The following DAP variants were observed in gnomAD, a reference collection of about 807,000 sequenced individuals.
The protein encoded by DAP is death associated protein, also known as death-associated protein 1.
A neutral mutation model predicts 13.8 loss-of-function variants in DAP; 8 were observed. The ratio of observed to expected loss-of-function variants is 0.58; its 90% CI spans 0.34 to 1.05. The LOEUF is 1.05. Among genes scored for constraint, DAP ranks in the 50% least tolerant of loss-of-function variants. The pLI, the probability that DAP is intolerant of heterozygous loss-of-function variation, is 0.03. For synonymous variants in DAP, 47 were observed against 47.5 expected (o/e 0.99, Z 0.04); for missense variants, 106 against 133.2 (o/e 0.80, Z 1.01).
chr5:10,711,971 G>A (rs567165251), intron 2 of DAP, among the ~76,000 whole-genome samples: 2 of 152,204 alleles, frequency 1.3e-5, no homozygotes, highest in Admixed American at 6.5e-5. Context: ...TTTCACCCCC[G>A]TCCTTCCCAG....
chr5:10,738,652 G>A (rs1198323644), intron 2 of DAP, among the ~76,000 whole-genome samples: 6 of 152,346 alleles, frequency 3.9e-5, no homozygotes, highest in South Asian at 2.1e-4. Flanking sequence ...GATTAAAGGC[G>A]ACTAAAGATA....
chr5:10,686,058 T>C (rs1278675907), intron 2 of DAP, among the ~76,000 whole-genome samples: 5 of 152,204 alleles, frequency 3.3e-5, no homozygotes, highest in African/African-American at 1.2e-4. Context: ...CCATCTTCAT[T>C]ATTATTATGT....
chr5:10,730,228 A>C (rs755047876), intron 2 of DAP, among the ~76,000 whole-genome samples: 1 of 152,242 alleles, frequency 6.6e-6, no homozygotes, highest in Non-Finnish European at 1.5e-5. Context: ...CACTGTGTAG[A>C]GTACCTGGCA....
At chr5:10,701,006 T>G (rs1419052841) in intron 2 of DAP, among the ~76,000 whole-genome samples, 2 of 152,252 alleles carry the variant, frequency 1.3e-5, no homozygotes, top group African/African-American at 2.4e-5. Flanking sequence ...GTGTCTGTGC[T>G]GTTCCATGCA....
At chr5:10,734,701 T>G (rs1256269814) in intron 2 of DAP, among the ~76,000 whole-genome samples, 1 of 152,194 alleles carries the variant, frequency 6.6e-6, no homozygotes, top group Non-Finnish European at 1.5e-5. Context: ...TATCCACAGG[T>G]GTTGGGAGAA....
chr5:10,733,632 G>C (rs1347809838), intron 2 of DAP: 1 of 152,126 alleles, frequency 6.6e-6, no homozygotes, highest in Non-Finnish European at 1.5e-5. Context: ...CCTGCCTTAG[G>C]GGATATGCAC....
At chr5:10,751,589 C>T (rs1422889183) in intron 1 of DAP, among the ~76,000 whole-genome samples, 1 of 152,120 alleles carries the variant, frequency 6.6e-6, no homozygotes, top group Non-Finnish European at 1.5e-5. Flanking sequence ...TGAATAGTGT[C>T]CCCCCAAAAT....
chr5:10,688,811 C>A (rs897396781), intron 2 of DAP, among the ~76,000 whole-genome samples: 2 of 152,162 alleles, frequency 1.3e-5, no homozygotes, highest in Non-Finnish European at 2.9e-5. Flanking sequence ...GACGCAGAGG[C>A]GCCATCCAGC....
intron 1 of DAP, among the ~76,000 whole-genome samples, chr5:10,752,874 A>G (rs151330247): frequency 6.6e-6 from 1 of 152,314 alleles, no homozygotes; most frequent in African/African-American, 2.4e-5. Context: ...GATGTGCTCA[A>G]CTGTTAGCTA....
intron 2 of DAP, among the ~76,000 whole-genome samples, chr5:10,740,869 G>T (rs1167544134): frequency 2.6e-5 from 4 of 152,218 alleles, no homozygotes; most frequent in Non-Finnish European, 4.4e-5. Flanking sequence ...TGTGCATAAT[G>T]AATCTTTAAA....
chr5:10,692,251 G>T (rs1412372861), intron 2 of DAP, among the ~76,000 whole-genome samples: 1 of 152,120 alleles, frequency 6.6e-6, no homozygotes, highest in Non-Finnish European at 1.5e-5. Flanking sequence ...ATTCTTTTGT[G>T]TTCTAAGGCT....
At chr5:10,752,398 A>G (rs1356300150) in intron 1 of DAP, among the ~76,000 whole-genome samples, 1 of 152,288 alleles carries the variant, frequency 6.6e-6, no homozygotes, top group East Asian at 1.9e-4. Context: ...CACTGTCTCT[A>G]GAACTCTTCA....
rs566459112 is a variant in DAP at position 10,679,399 on chromosome 5, C to T, written c.*1657G>A. The T allele has an allele frequency of 6.6e-6, 1 of 152,492 alleles. No homozygotes were observed. Among genetic ancestry groups the T allele is most frequent in the African/African-American group, 2.4e-5 (1 of 41,568 alleles). 9.4% of individuals were successfully genotyped at this position (152,492 alleles called of 1,614,324 possible). ...CGCACCTCTGGAAATAACAGCCCTC[C>T]CTCTGGCTGAAGACTGAGAAGCATT... On this transcript the variant is annotated 3_prime_UTR_variant, in exon 4 of 4. Coordinates refer to ENST00000230895, the MANE Select transcript of DAP (RefSeq NM_004394.3).
At chr5:10,758,221 T>A (rs1302396434) in intron 1 of DAP, among the ~76,000 whole-genome samples, 54 of 151,544 alleles carry the variant, frequency 3.6e-4, no homozygotes, top group South Asian at 1.5e-3. Context: ...TTTTTTTTTT[T>A]TAAAAACTAT....
intron 2 of DAP, among the ~76,000 whole-genome samples, chr5:10,716,134 T>C (rs535071553): frequency 2.6e-4 from 40 of 152,286 alleles, no homozygotes; most frequent in African/African-American, 9.6e-4. Context: ...TTTCCCATTT[T>C]CAAAGTGATG....
At chr5:10,701,188 T>C (rs951575236) in intron 2 of DAP, among the ~76,000 whole-genome samples, 4 of 152,206 alleles carry the variant, frequency 2.6e-5, no homozygotes, top group Non-Finnish European at 5.9e-5. Flanking sequence ...AACGCAGTGT[T>C]TAAAGTGAGA....
At chr5:10,682,776 G>C (rs117188524) in intron 3 of DAP, among the ~76,000 whole-genome samples, 263 of 152,402 alleles carry the variant, frequency 1.7e-3, no homozygotes, top group East Asian at 0.011. Flanking sequence ...GTGAGACACA[G>C]GAACATGCGA....
intron 2 of DAP, among the ~76,000 whole-genome samples, chr5:10,740,320 A>G (rs1349180386): frequency 2.0e-5 from 3 of 152,358 alleles, no homozygotes; most frequent in African/African-American, 7.2e-5. Context: ...AATGTTCACT[A>G]TGGGTACAAC....
chr5:10,699,447 G>T (rs975710009), intron 2 of DAP, among the ~76,000 whole-genome samples: 3 of 152,164 alleles, frequency 2.0e-5, no homozygotes, highest in Non-Finnish European at 4.4e-5. Context: ...TGGTCCCAGA[G>T]GGCTCCCTAA....
Sources: gnomAD v4.1 joint callset for allele counts (sites outside exome capture counted in the v4.1 genomes callset) on GRCh38, gnomAD v4.1.1 for gene constraint, MANE v1.5 for transcripts, NCBI Gene and HGNC (gene_info 2026-07-23, HGNC 2026-07-21) for gene names.